Variants in DECR1 observed in about 807,000 individuals in gnomAD.
DECR1 encodes 2,4-dienoyl-CoA reductase [(3E)-enoyl-CoA-producing], mitochondrial.
A neutral mutation model predicts 38.8 loss-of-function variants in DECR1; 44 were observed. The observed-to-expected ratio is 1.13, with a 90% CI of 0.89 to 1.46. The LOEUF (loss-of-function observed/expected upper bound fraction) is 1.46. DECR1 is among the 40% of genes most tolerant of loss of function. DECR1 has a pLI of 0.00. For missense variants in DECR1, 428 were observed against 405.5 expected (o/e 1.06, Z -0.48); for synonymous variants, 148 against 135.2 (o/e 1.09, Z -0.66).
chr8:90,051,631 T>C, intron 8 of DECR1, 46 bp from the exon 9 acceptor site: 1 of 1,526,864 alleles, frequency 6.5e-7, no homozygotes, highest in Non-Finnish European at 9.0e-7. Flanking sequence ...TTCAGAAACT[T>C]TTTAAAAGGA....
rs1813633918 is a variant in DECR1 at position 90,036,992 on chromosome 8, G to T, written c.665+52G>T. ...GCTGAACATAACTAATACAGTTGGT[G>T]GCTCAGGGAACTGTATTCCTGCTTT... On this transcript the variant is annotated intron_variant, in intron 6 of 9. Coordinates refer to ENST00000220764, the MANE Select transcript of DECR1 (RefSeq NM_001359.2). 3.8e-6 allele frequency: 5 copies of T among 1,310,162 alleles called. No homozygotes were observed. The East Asian group carries it at 9.3e-5, about 24-fold the overall frequency. 81.2% of individuals were successfully genotyped at this position (1,310,162 alleles called of 1,614,324 possible).
At chr8:90,009,026 T>A (rs948642956) in intron 1 of DECR1, among the ~76,000 whole-genome samples, 1 of 152,160 alleles carries the variant, frequency 6.6e-6, no homozygotes, top group African/African-American at 2.4e-5. Context: ...CCCTTAAAAC[T>A]TAAGGCAGAT....
intron 1 of DECR1, chr8:90,005,350 T>C (rs1812713140): frequency 6.6e-6 from 3 of 456,208 alleles, no homozygotes; most frequent in Non-Finnish European, 1.3e-5. Flanking sequence ...TCAAGAAGCA[T>C]AGAGTCCAAT....
Position 90,017,284 on chromosome 8 carries a change from C to T in DECR1, c.230C>T (p.Thr77Ile). The change falls in exon 2 of 10, where the codon ACT becomes ATT. Residue 77 changes from threonine to isoleucine, a missense_variant. Transcript: ENST00000220764. Reference sequence around the variant, plus strand: ...ACTGGCCTTGGTAAAGGAATGACAACTCTTCTGTCCAGCCTAGGTGCTCAG... The same window carrying T: ...ACTGGCCTTGGTAAAGGAATGACAATTCTTCTGTCCAGCCTAGGTGCTCAG... ...GGTGLGKGMTTLLSSLGAQCV... is the reference protein window; with the variant it reads ...GGTGLGKGMTILLSSLGAQCV... The T allele has an allele frequency of 6.2e-7, 1 of 1,614,180 alleles. No individual in the cohort carries two copies. The highest frequency in any genetic ancestry group is 8.5e-7 in the Non-Finnish European group (1 of 1,180,042).
chr8:90,008,390 C>T (rs888210734), intron 1 of DECR1, among the ~76,000 whole-genome samples: 2 of 152,344 alleles, frequency 1.3e-5, no homozygotes, highest in African/African-American at 2.4e-5. Context: ...CGGTATCTCT[C>T]ATGTACACTT....
At chr8:90,044,753 C>A in intron 7 of DECR1, 96 bp from the exon 8 acceptor site, 1 of 1,306,558 alleles carries the variant, frequency 7.7e-7, no homozygotes, top group Non-Finnish European at 1.0e-6. Context: ...TTTTAAGCTG[C>A]ATGGCAGCAT....
chr8:90,001,528 G>T lies in DECR1; in HGVS notation c.36G>T (p.Gly12=), dbSNP rs751914440. The part of the protein sequence containing the change: ...KLPARVFFTL[G]SRLPCGLAPR... ...CGGCCAGGGTTTTCTTTACTCTGGG[G>T]TCCCGGCTGCCCTGTGGCCTCGCTC... is the stretch of plus-strand genomic sequence containing the variant. The change falls in exon 1 of 10, where the codon GGG becomes GGT. Residue 12 remains glycine (G), a synonymous_variant. Coordinates refer to ENST00000220764, the MANE Select transcript of DECR1 (RefSeq NM_001359.2). 3 of 1,614,014 alleles carry T rather than the reference G, an allele frequency of 1.9e-6. No homozygotes were observed. The highest frequency in any genetic ancestry group is 2.2e-5 in the East Asian group (1 of 44,878).
chr8:90,048,257 T>G (rs1207656376), intron 8 of DECR1, among the ~76,000 whole-genome samples: 2 of 151,790 alleles, frequency 1.3e-5, no homozygotes, highest in East Asian at 3.9e-4. Flanking sequence ...CTGTTTTTTT[T>G]GAAAAGACCA....
chr8:90,018,698 G>C, intron 2 of DECR1: 1 of 480,602 alleles, frequency 2.1e-6, no homozygotes, highest in Admixed American at 3.6e-5. Context: ...AAAGTAAACT[G>C]GTTTAAAAGT....
chr8:90,019,270 G>A, intron 4 of DECR1, 98 bp downstream of exon 4: 1 of 1,022,702 alleles, frequency 9.8e-7, no homozygotes, highest in East Asian at 2.6e-5. Flanking sequence ...ACTGATGTAG[G>A]ACAGGCAAGC....
intron 8 of DECR1, 51 bp downstream of exon 8, chr8:90,045,046 C>T: frequency 1.2e-6 from 2 of 1,601,358 alleles, no homozygotes; most frequent in Non-Finnish European, 1.7e-6. Flanking sequence ...GTGTTTGGGG[C>T]AGGGAGGTCT....
chr8:90,022,281 C>T (rs1055224897), intron 5 of DECR1, among the ~76,000 whole-genome samples: 1 of 152,126 alleles, frequency 6.6e-6, no homozygotes, highest in Non-Finnish European at 1.5e-5. Flanking sequence ...TTGTGCAGCG[C>T]AGGTGATCCT....
At chr8:90,006,302 T>C (rs1433110767) in intron 1 of DECR1, 3 of 703,950 alleles carry the variant, frequency 4.3e-6, no homozygotes, top group Non-Finnish European at 5.2e-6. Context: ...ATGAGAGTGT[T>C]GTTGTTTGGT....
intron 1 of DECR1, among the ~76,000 whole-genome samples, chr8:90,010,163 C>T (rs1308877783): frequency 1.3e-5 from 2 of 152,170 alleles, no homozygotes; most frequent in African/African-American, 2.4e-5. Context: ...CTGTTCAGTG[C>T]CCTGCTATAA....
chr8:90,009,599 ACT>A (rs1812834044), intron 1 of DECR1, among the ~76,000 whole-genome samples: 1 of 151,970 alleles, frequency 6.6e-6, no homozygotes, highest in Non-Finnish European at 1.5e-5. Context: ...AAATGAATAA[ACT>A]CTATATCCAT....
intron 1 of DECR1, among the ~76,000 whole-genome samples, chr8:90,008,307 G>T (rs564280572): frequency 6.6e-6 from 1 of 152,328 alleles, no homozygotes; most frequent in East Asian, 1.9e-4. Flanking sequence ...GGCTGGTTGG[G>T]TTCTGGGTTC....
rs1222849529 is a variant in DECR1, at chr8:90,051,909, C to A, written c.*12C>A. On this transcript the variant is annotated 3_prime_UTR_variant, in exon 10 of 10. Coordinates refer to ENST00000220764, the MANE Select transcript of DECR1 (RefSeq NM_001359.2). Reference sequence around the variant, plus strand: ...CAAAAGGTTCCTAAGACCACTTTGGCCTTCATCTTGGTTACAGAAAAGGGA... The same window carrying A: ...CAAAAGGTTCCTAAGACCACTTTGGACTTCATCTTGGTTACAGAAAAGGGA... The A allele has an allele frequency of 6.2e-7, 1 of 1,611,894 alleles. No individual in the cohort carries two copies. The highest frequency in any genetic ancestry group is 8.5e-7 in the Non-Finnish European group (1 of 1,178,472).
intron 1 of DECR1, 45 bp downstream of exon 1, chr8:90,001,606 C>A: frequency 6.5e-7 from 1 of 1,543,664 alleles, no homozygotes; most frequent in Non-Finnish European, 8.9e-7. Flanking sequence ...GGCGTCTCGA[C>A]GCGCAAAGAG....
intron 6 of DECR1, among the ~76,000 whole-genome samples, chr8:90,039,125 G>A (rs1225123414): frequency 1.3e-5 from 2 of 152,068 alleles, no homozygotes; most frequent in Admixed American, 6.6e-5. Context: ...ATAGTACACA[G>A]TCTTACTAAA....
Sources: gnomAD v4.1 joint callset for allele counts (sites outside exome capture counted in the v4.1 genomes callset) on GRCh38, gnomAD v4.1.1 for gene constraint, MANE v1.5 for transcripts, NCBI Gene and HGNC (gene_info 2026-07-23, HGNC 2026-07-21) for gene names.